STYK1: variants seen among roughly 807,000 people sequenced by gnomAD.
STYK1 encodes the protein STY kinase 1.
Under a neutral mutation model 48.1 loss-of-function variants are expected in STYK1, and 46 were observed. The ratio of observed to expected loss-of-function variants is 0.96; its 90% confidence interval spans 0.75 to 1.22. The LOEUF is 1.22. STYK1 is among the 50% of genes most tolerant of loss of function. STYK1 has a pLI of 0.00. For missense variants in STYK1, 527 were observed against 521.1 expected, an observed-to-expected ratio of 1.01 and a Z score of -0.11; for synonymous variants, 188 against 189.0, an observed-to-expected ratio of 0.99 and a Z score of 0.04.
chr12:10,625,252 C>G (rs1433232907), intron 7 of STYK1, among the ~76,000 whole-genome samples: 1 of 152,104 alleles, frequency 6.6e-6, no homozygotes, highest in Non-Finnish European at 1.5e-5. Context: ...CAGTCTCGCT[C>G]TGTCACCCAG....
At chr12:10,641,376 TAAGA>T (rs1479729695) in intron 1 of STYK1, among the ~76,000 whole-genome samples, 1 of 152,216 alleles carries the variant, frequency 6.6e-6, no homozygotes, top group Non-Finnish European at 1.5e-5. Context: ...TTTTTCCTTC[TAAGA>T]AAGATTTTGG....
chr12:10,628,155 C>G (rs979364814), intron 6 of STYK1, among the ~76,000 whole-genome samples: 1 of 152,190 alleles, frequency 6.6e-6, no homozygotes, highest in African/African-American at 2.4e-5. Flanking sequence ...AATAGCATGG[C>G]TGCTGCCTTC....
At chr12:10,661,973 C>T (rs756245646) in intron 1 of STYK1, among the ~76,000 whole-genome samples, 3 of 152,038 alleles carry the variant, frequency 2.0e-5, no homozygotes, top group Non-Finnish European at 4.4e-5. Context: ...AGAATATTTC[C>T]GTTACCCCAG....
chr12:10,664,116 G>A (rs1477522176), intron 1 of STYK1, among the ~76,000 whole-genome samples: 1 of 152,242 alleles, frequency 6.6e-6, no homozygotes, highest in East Asian at 1.9e-4. Context: ...GCAGCATGGT[G>A]TAATATAAGG....
At chr12:10,673,327 A>AG (rs1565578249) in intron 1 of STYK1, among the ~76,000 whole-genome samples, 1 of 152,084 alleles carries the variant, frequency 6.6e-6, no homozygotes, top group African/African-American at 2.4e-5. Context: ...CAGTGAACCG[A>AG]GATCGCGCCA....
At chr12:10,624,559 C>T (rs574418270) in intron 8 of STYK1, 92 bp downstream of exon 8, 28 of 1,102,820 alleles carry the variant, frequency 2.5e-5, no homozygotes, top group African/African-American at 1.2e-4. Context: ...AGATTATATT[C>T]GTATACAGAA....
At chr12:10,631,917 A>G (rs1947433501) in intron 4 of STYK1, among the ~76,000 whole-genome samples, 1 of 152,224 alleles carries the variant, frequency 6.6e-6, no homozygotes, top group African/African-American at 2.4e-5. Flanking sequence ...TTCAACAAAT[A>G]TCACCTATTA....
At chr12:10,643,517 T>C (rs1947567267) in intron 1 of STYK1, among the ~76,000 whole-genome samples, 1 of 152,222 alleles carries the variant, frequency 6.6e-6, no homozygotes, top group Non-Finnish European at 1.5e-5. Flanking sequence ...TCTCACATCA[T>C]TCCTTGGGGG....
intron 3 of STYK1, 54 bp downstream of exon 3, chr12:10,634,513 T>C (rs1947464876): frequency 1.3e-6 from 2 of 1,561,744 alleles, no homozygotes; most frequent in Non-Finnish European, 8.8e-7. Context: ...ACCGAGACCT[T>C]AGCCTTCATA....
At chr12:10,658,396 T>C (rs188975080) in intron 1 of STYK1, among the ~76,000 whole-genome samples, 5 of 152,324 alleles carry the variant, frequency 3.3e-5, no homozygotes, top group East Asian at 1.9e-4. Flanking sequence ...GAATAAACTA[T>C]AAGAAAAAGA....
At chr12:10,654,517 A>G (rs1273886732) in intron 1 of STYK1, among the ~76,000 whole-genome samples, 2 of 152,188 alleles carry the variant, frequency 1.3e-5, no homozygotes, top group Non-Finnish European at 2.9e-5. Flanking sequence ...CCCAAAGGAA[A>G]TAGACCACAG....
chr12:10,622,013 A>C (rs753747693), intron 9 of STYK1, 41 bp from the exon 10 acceptor site: 11 of 1,553,722 alleles, frequency 7.1e-6, no homozygotes, highest in Non-Finnish European at 9.8e-6. Flanking sequence ...GGTCCTCTAA[A>C]ATATGAACTG....
chr12:10,665,367 G>T (rs1323988590), intron 1 of STYK1, among the ~76,000 whole-genome samples: 12 of 152,146 alleles, frequency 7.9e-5, no homozygotes, highest in Admixed American at 7.9e-4. Flanking sequence ...TGTGTACAAG[G>T]GTGCTTTGAA....
rs1411862205 is a variant in STYK1, at chr12:10,672,255, C to CTGGT, written c.-195+1710_-195+1711insACCA. ...AGGTCACCAACACCCGGGGCGCCGA[C>CTGGT]AGGTACGGGGTGCACAGCAGGAAAT... On this transcript the variant is annotated intron_variant, in intron 1 of 10. Transcript: ENST00000075503. The surrounding 1 kb of genome is among the most constrained non-coding windows in gnomAD (Gnocchi z 4.0). Among the ~76,000 whole-genome samples the CTGGT allele has an allele frequency of 1.3e-5, 2 of 152,178 alleles. No individual in the cohort carries two copies. Among genetic ancestry groups the CTGGT allele is most frequent in the Non-Finnish European group, 2.9e-5 (2 of 68,034 alleles).
At chr12:10,634,743 T>C (rs1947467766) in intron 2 of STYK1, 57 bp from the exon 3 acceptor site, 1 of 1,115,658 alleles carries the variant, frequency 9.0e-7, no homozygotes, top group South Asian at 1.4e-5. Context: ...ATAAATGAAG[T>C]ACACACAGAA....
chr12:10,630,945 G>T, intron 5 of STYK1, 100 bp downstream of exon 5: 2 of 1,478,264 alleles, frequency 1.4e-6, no homozygotes, highest in Non-Finnish European at 1.9e-6. Flanking sequence ...TCTGTACACA[G>T]TTATGATCAC....
rs1173024398 is a variant in STYK1 at position 10,629,640 on chromosome 12, T to C, written c.486A>G (p.Leu162=). Residue 162 remains leucine (L), a synonymous_variant, in exon 6 of 11, where the codon TTA becomes TTG. Coordinates refer to ENST00000075503, the MANE Select transcript of STYK1 (RefSeq NM_018423.3). Reference sequence around the variant, plus strand: ...GGTATTGATGGAATTGGATTCGCCCTAAGAAATCTTGTACCTCATGGAGCC... The same window carrying C: ...GGTATTGATGGAATTGGATTCGCCCCAAGAAATCTTGTACCTCATGGAGCC... ...PAGLHEVQDF[L]GRIQFHQYLG... 1.2e-6 allele frequency: 2 copies of C among 1,614,190 alleles called. No homozygotes were observed.
chr12:10,636,151 AG>A (rs1332518327), intron 2 of STYK1, among the ~76,000 whole-genome samples: 3 of 152,216 alleles, frequency 2.0e-5, no homozygotes, highest in Non-Finnish European at 4.4e-5. Flanking sequence ...TAATAACCAC[AG>A]TGTTACTTAC....
rs762075648 is a variant in STYK1 at position 10,639,417 on chromosome 12, CT to C, written c.-194-2222del. 4.0e-3 allele frequency among the ~76,000 whole-genome samples: 582 copies of C among 145,144 alleles called. 6 individuals are homozygous for C. Among genetic ancestry groups the C allele is most frequent in the East Asian group, 0.022 (112 of 5,004 alleles). ...TAGTGATTAAGTTATAAATTGGCCACTTTTTTTTTTTTTCTGATGGAGTCTC... is the reference window on the plus strand; with the variant it reads ...TAGTGATTAAGTTATAAATTGGCCACTTTTTTTTTTTTCTGATGGAGTCTC... On this transcript the variant is annotated intron_variant, in intron 1 of 10. Coordinates refer to ENST00000075503, the MANE Select transcript of STYK1 (RefSeq NM_018423.3).
Sources: gnomAD v4.1 joint callset for allele counts (sites outside exome capture counted in the v4.1 genomes callset) on GRCh38, gnomAD v4.1.1 for gene constraint, Gnocchi (gnomAD v3.1) non-coding constraint, MANE v1.5 for transcripts, NCBI Gene and HGNC (gene_info 2026-07-23, HGNC 2026-07-21) for gene names.